Variants in BTBD2 observed in about 807,000 individuals in gnomAD.
The protein encoded by BTBD2 is BTB domain containing 2.
A neutral mutation model predicts 44.0 loss-of-function variants in BTBD2; 15 were observed. The observed-to-expected ratio is 0.34, with a 90% CI of 0.23 to 0.53. BTBD2 has a LOEUF of 0.53. BTBD2 is among the 20% of genes least tolerant of loss of function. The pLI, the probability that BTBD2 is intolerant of heterozygous loss-of-function variation, is 0.95. For missense variants in BTBD2, 657 were observed against 746.4 expected, an observed-to-expected ratio of 0.88 and a Z score of 1.39; for synonymous variants, 443 against 335.9, an observed-to-expected ratio of 1.32 and a Z score of -3.49.
intron 4 of BTBD2, 22 bp from the exon 5 acceptor site, chr19:1,990,223 T>C: frequency 6.4e-7 from 1 of 1,572,804 alleles, no homozygotes; most frequent in Admixed American, 1.9e-5. Context: ...AGGAAGGGGC[T>C]GCGTGAACAC....
intron 1 of BTBD2, among the ~76,000 whole-genome samples, chr19:2,000,296 G>A (rs1055018832): frequency 1.3e-5 from 2 of 152,206 alleles, no homozygotes; most frequent in African/African-American, 4.8e-5. Context: ...ACCCACAGCT[G>A]GTGCCCCAGG....
At chr19:1,988,008 A>G (rs2016117418) in intron 5 of BTBD2, 1 of 310,856 alleles carries the variant, frequency 3.2e-6, no homozygotes. Context: ...CCGTCACTTC[A>G]CTGTGGGTGG....
chr19:1,999,774 C>T (rs549672461), intron 1 of BTBD2, among the ~76,000 whole-genome samples: 40 of 151,998 alleles, frequency 2.6e-4, no homozygotes, highest in Middle Eastern at 3.4e-3. Context: ...CCAGCCTGGC[C>T]AACATGGTGA....
intron 4 of BTBD2, 59 bp from the exon 5 acceptor site, chr19:1,990,260 G>C: frequency 6.5e-7 from 1 of 1,529,534 alleles, no homozygotes; most frequent in African/African-American, 1.4e-5. Flanking sequence ...CCCTGCAGGA[G>C]GCAGTGAGAC....
chr19:1,989,932 T>C, intron 5 of BTBD2, 72 bp downstream of exon 5: 1 of 1,543,600 alleles, frequency 6.5e-7, no homozygotes, highest in Non-Finnish European at 8.9e-7. Context: ...GGGGGCACTA[T>C]CCTCGGTACC....
Position 1,990,061 on chromosome 19 carries a change from C to T in BTBD2, c.931G>A (p.Gly311Ser), listed in dbSNP as rs2016151367. The change falls in exon 5 of 9, where the codon GGC (glycine) becomes AGC (serine). Residue 311 changes from glycine to serine, a missense_variant. Gly to Ser is a moderately conservative substitution (Grantham distance 56). Transcript: ENST00000255608. The part of the protein sequence containing the change: ...VTPENRRKVL[G>S]KALGLIRFPL... Reference sequence around the variant, plus strand: ...AAGCGAATGAGGCCCAGGGCCTTGCCCAGAACCTTCCGCCTGTTCTCTGGC... The same window carrying T: ...AAGCGAATGAGGCCCAGGGCCTTGCTCAGAACCTTCCGCCTGTTCTCTGGC... The T allele has an allele frequency of 3.1e-6, 5 of 1,613,340 alleles. No individual in the cohort carries two copies. The East Asian group carries it at 1.1e-4, about 36-fold the overall frequency.
intron 1 of BTBD2, among the ~76,000 whole-genome samples, chr19:2,000,853 G>A (rs970841692): frequency 3.3e-5 from 5 of 152,178 alleles, no homozygotes; most frequent in African/African-American, 1.2e-4. Flanking sequence ...GCCACAAACA[G>A]GAACGAGGCT....
chr19:2,006,369 A>T (rs2016394134), intron 1 of BTBD2, among the ~76,000 whole-genome samples: 1 of 152,064 alleles, frequency 6.6e-6, no homozygotes, highest in Non-Finnish European at 1.5e-5. Flanking sequence ...AAACAGTTCA[A>T]ACCAGATAAA....
chr19:2,012,830 T>A (rs2016484003), intron 1 of BTBD2, among the ~76,000 whole-genome samples: 1 of 152,106 alleles, frequency 6.6e-6, no homozygotes, highest in Admixed American at 6.5e-5. Context: ...CGCATACATG[T>A]CCCAAGGTCA....
intron 1 of BTBD2, chr19:2,003,586 T>C (rs910518982): frequency 4.0e-5 from 6 of 151,850 alleles, no homozygotes; most frequent in African/African-American, 1.2e-4. Flanking sequence ...CTAACCAACA[T>C]GGAGAAATCC....
chr19:1,990,628 C>T, intron 4 of BTBD2, 89 bp downstream of exon 4: 2 of 1,259,894 alleles, frequency 1.6e-6, no homozygotes, highest in Non-Finnish European at 2.2e-6. Context: ...TGTGCAACTC[C>T]CCCAGGCCCA....
chr19:2,000,327 C>T (rs879814058), intron 1 of BTBD2, among the ~76,000 whole-genome samples: 3 of 152,214 alleles, frequency 2.0e-5, no homozygotes, highest in Admixed American at 1.3e-4. Context: ...CCCTCCCACA[C>T]GATGTTCCAG....
intron 1 of BTBD2, among the ~76,000 whole-genome samples, chr19:2,008,760 G>A (rs1296067248): frequency 1.3e-5 from 2 of 151,250 alleles, no homozygotes; most frequent in Admixed American, 6.6e-5. Context: ...TCCAAGTAAT[G>A]AGGTCTCGCT....
chr19:1,999,009 G>A (rs972539953), intron 1 of BTBD2, among the ~76,000 whole-genome samples: 3 of 152,104 alleles, frequency 2.0e-5, no homozygotes, highest in South Asian at 2.1e-4. Flanking sequence ...GGTTCCGCAC[G>A]GATGGGACCT....
rs1293841744 is a variant in BTBD2 at position 2,015,585 on chromosome 19, T to C, written c.119A>G (p.Asn40Ser). 17 of 959,504 alleles carry C rather than the reference T, an allele frequency of 1.8e-5. No individual in the cohort carries two copies. Among genetic ancestry groups the C allele is most frequent in the Admixed American group, 1.3e-4 (2 of 14,878 alleles). 59.4% of individuals were successfully genotyped at this position (959,504 alleles called of 1,614,324 possible). A position where few individuals can be genotyped will look rare whatever the true frequency, so the allele number is the denominator to read the frequency against. Residue 40 changes from asparagine to serine, a missense_variant, in exon 1 of 9, where the codon AAC becomes AGC. Coordinates refer to ENST00000255608, the MANE Select transcript of BTBD2 (RefSeq NM_017797.4). ...ANAAATPAPG[N>S]AAAAAAAAAA... is the part of the protein sequence containing the mutation. Reference sequence around the variant, plus strand: ...GGCGGCGGCGGCGGCGGCGGCCGCGTTGCCGGGGGCCGGGGTGGCGGCGGC... The same window carrying C: ...GGCGGCGGCGGCGGCGGCGGCCGCGCTGCCGGGGGCCGGGGTGGCGGCGGC...
At chr19:2,007,050 G>T (rs909614352) in intron 1 of BTBD2, among the ~76,000 whole-genome samples, 1 of 152,096 alleles carries the variant, frequency 6.6e-6, no homozygotes, top group Non-Finnish European at 1.5e-5. Flanking sequence ...TAGAGATGGG[G>T]TTTCACCATC....
intron 4 of BTBD2, 98 bp downstream of exon 4, chr19:1,990,619 G>T (rs753230838): frequency 4.6e-5 from 53 of 1,163,550 alleles, no homozygotes; most frequent in Middle Eastern, 5.6e-4. Context: ...CAGCTCACCT[G>T]TGCAACTCCC....
intron 5 of BTBD2, chr19:1,988,450 C>T (rs984916756): frequency 1.3e-5 from 2 of 152,328 alleles, no homozygotes; most frequent in African/African-American, 2.4e-5. Flanking sequence ...AACTCCGCAT[C>T]GCTCAGCTGC....
chr19:2,006,332 T>A (rs1228923736), intron 1 of BTBD2, among the ~76,000 whole-genome samples: 4 of 151,946 alleles, frequency 2.6e-5, no homozygotes, highest in Non-Finnish European at 5.9e-5. Flanking sequence ...ACAGAAAAAC[T>A]GTTAAACCTA....
Sources: gnomAD v4.1 joint callset for allele counts (sites outside exome capture counted in the v4.1 genomes callset) on GRCh38, gnomAD v4.1.1 for gene constraint, MANE v1.5 for transcripts, NCBI Gene and HGNC (gene_info 2026-07-23, HGNC 2026-07-21) for gene names.